Variants in TRAK1 observed in about 807,000 individuals in gnomAD.
The protein encoded by TRAK1 is trafficking kinesin protein 1.
A neutral mutation model predicts 92.1 loss-of-function variants in TRAK1; 33 were observed. The ratio of observed to expected loss-of-function variants is 0.36; its 90% CI spans 0.27 to 0.48. The LOEUF is 0.48. Ranked by LOEUF, TRAK1 falls within the 20% of genes least tolerant of loss-of-function variation. TRAK1 has a pLI of 0.99. For missense variants in TRAK1, 1,123 were observed against 1,257.9 expected, an observed-to-expected ratio of 0.89 and a Z score of 1.62; for synonymous variants, 521 against 517.3, an observed-to-expected ratio of 1.01 and a Z score of -0.10.
upstream of TRAK1, among the ~76,000 whole-genome samples, chr3:42,090,328 G>T (rs1479283252): frequency 6.6e-6 from 1 of 152,232 alleles, no homozygotes. Flanking sequence ...CATCCAGCCT[G>T]TTAAAGTGCT....
chr3:42,066,873 G>T (rs762311273), intron 1 of TRAK1, among the ~76,000 whole-genome samples: 2 of 152,084 alleles, frequency 1.3e-5, no homozygotes, highest in African/African-American at 2.4e-5. Context: ...TTCAGGGGCT[G>T]GGGGGAGGGA....
intron 1 of TRAK1, among the ~76,000 whole-genome samples, chr3:42,110,094 G>GTGTATATATA (rs1417746436): frequency 8.4e-5 from 7 of 83,234 alleles, no homozygotes; most frequent in Non-Finnish European, 1.4e-4. Context: ...AGAACTTAAA[G>GTGTATATATA]TATATATATA....
At chr3:42,029,058 A>T (rs1470077343) in intron 1 of TRAK1, among the ~76,000 whole-genome samples, 1 of 152,010 alleles carries the variant, frequency 6.6e-6, no homozygotes, top group Non-Finnish European at 1.5e-5. Context: ...GCAAAGGGGG[A>T]GCCAGCACTT....
At chr3:42,122,119 A>G (rs183156385) in intron 1 of TRAK1, among the ~76,000 whole-genome samples, 9 of 152,298 alleles carry the variant, frequency 5.9e-5, no homozygotes, top group African/African-American at 2.2e-4. Context: ...CGCCTGGGCC[A>G]GAGTTTTTTA....
At chr3:42,125,719 C>T in intron 2 of TRAK1, 105 bp downstream of exon 2, 2 of 1,296,586 alleles carry the variant, frequency 1.5e-6, no homozygotes, top group Non-Finnish European at 2.1e-6. Flanking sequence ...ATGTGGCTTG[C>T]CACCTCTGGA....
chr3:42,119,838 A>G (rs999401220), intron 1 of TRAK1, among the ~76,000 whole-genome samples: 1 of 152,176 alleles, frequency 6.6e-6, no homozygotes, highest in African/African-American at 2.4e-5. Flanking sequence ...AGAAGTGGCA[A>G]TTGCATACTG....
chr3:42,119,118 A>G (rs1709532609), intron 1 of TRAK1, among the ~76,000 whole-genome samples: 1 of 152,194 alleles, frequency 6.6e-6, no homozygotes, highest in Non-Finnish European at 1.5e-5. Flanking sequence ...GGCTGAAGGT[A>G]AGGTGGATAA....
chr3:42,050,634 TTG>T (rs1378794273), intron 1 of TRAK1, among the ~76,000 whole-genome samples: 5 of 152,206 alleles, frequency 3.3e-5, no homozygotes, highest in African/African-American at 1.2e-4. Context: ...TTCTTTGTCC[TTG>T]TGGGTTTATT....
Position 42,208,412 on chromosome 3 carries a change from G to A in TRAK1, c.1745-1355G>A, listed in dbSNP as rs147635166. On this transcript the variant is annotated intron_variant, in intron 13 of 15. Transcript: ENST00000327628. Reference sequence around the variant, plus strand: ...ACATGAGAAGTTATTTCCAAGGGGTGTTTGGAAATGGCAGACTCTGCGCAC... The same window carrying A: ...ACATGAGAAGTTATTTCCAAGGGGTATTTGGAAATGGCAGACTCTGCGCAC... Among the ~76,000 whole-genome samples, 541 of 152,246 alleles carry A rather than the reference G, an allele frequency of 3.6e-3. 7 individuals carry two copies. Among genetic ancestry groups the A allele is most frequent in the Non-Finnish European group, 5.1e-3 (348 of 68,014 alleles).
intron 2 of TRAK1, among the ~76,000 whole-genome samples, chr3:42,132,059 ACT>A (rs1279960871): frequency 6.6e-6 from 1 of 151,956 alleles, no homozygotes; most frequent in East Asian, 1.9e-4. Flanking sequence ...ACAGAGCGAG[ACT>A]CTGCCTCAAA....
At chr3:42,219,620 G>C in intron 15 of TRAK1, 24 bp downstream of exon 15, 1 of 1,598,850 alleles carries the variant, frequency 6.3e-7, no homozygotes, top group South Asian at 1.1e-5. Context: ...GCTTTGGGGT[G>C]GGCAGGGGTG....
chr3:42,111,713 C>T (rs1259296260), intron 1 of TRAK1, among the ~76,000 whole-genome samples: 1 of 152,062 alleles, frequency 6.6e-6, no homozygotes, highest in Admixed American at 6.6e-5. Context: ...GGTAATCTTA[C>T]TAAATTCAAA....
chr3:42,220,556 A>G (rs1710246849), intron 15 of TRAK1: 1 of 985,436 alleles, frequency 1.0e-6, no homozygotes. Context: ...GAGGAGATAT[A>G]GGGCAGAGAG....
intron 2 of TRAK1, among the ~76,000 whole-genome samples, chr3:42,150,417 G>A (rs1576635835): frequency 6.6e-6 from 1 of 152,074 alleles, no homozygotes; most frequent in Admixed American, 6.5e-5. Flanking sequence ...CAGTTAATCT[G>A]TCTTTAATTT....
In TRAK1 at chr3:42,223,812, C is replaced by T; in HGVS notation, c.*75C>T. ...TTGCTCCCACCTCCCTCTCTTCCCC[C>T]CACAGTGCACTCCCTCCCTCTGCCC... is the stretch of plus-strand genomic sequence containing the variant. On this transcript the variant is annotated 3_prime_UTR_variant, in exon 16 of 16. Coordinates refer to ENST00000327628, the MANE Select transcript of TRAK1 (RefSeq NM_001042646.3). The surrounding 1 kb of genome is among the most constrained non-coding windows in gnomAD (Gnocchi z 6.1). 2 of 1,479,912 alleles carry T rather than the reference C, an allele frequency of 1.4e-6. No individual in the cohort carries two copies. Among genetic ancestry groups the T allele is most frequent in the South Asian group, 1.3e-5 (1 of 78,158 alleles). The allele number at this position is 1,479,912 out of a possible 1,614,324, so 91.7% of individuals were successfully genotyped here.
chr3:42,107,190 T>A (rs1707679995), intron 1 of TRAK1, among the ~76,000 whole-genome samples: 1 of 152,110 alleles, frequency 6.6e-6, no homozygotes, highest in African/African-American at 2.4e-5. Flanking sequence ...TGGGTAGAAA[T>A]GTTTTTGGAC....
At chr3:42,187,625 T>C (rs1318910875) in intron 4 of TRAK1, among the ~76,000 whole-genome samples, 2 of 151,918 alleles carry the variant, frequency 1.3e-5, no homozygotes, top group African/African-American at 4.8e-5. Context: ...ATGCCACCAC[T>C]CTTCGCTAAT....
At chr3:42,086,780 T>G (rs972866950), upstream of TRAK1, among the ~76,000 whole-genome samples, 5 of 152,194 alleles carry the variant, frequency 3.3e-5, no homozygotes, top group Non-Finnish European at 5.9e-5. Context: ...TTACCTCTCT[T>G]TGTGTGTATA....
At chr3:42,191,200 G>C (rs1705676175) in intron 6 of TRAK1, among the ~76,000 whole-genome samples, 1 of 152,122 alleles carries the variant, frequency 6.6e-6, no homozygotes, top group African/African-American at 2.4e-5. Context: ...CACTGTGCGG[G>C]TCACAGAGCA....
Sources: gnomAD v4.1 joint callset for allele counts (sites outside exome capture counted in the v4.1 genomes callset) on GRCh38, gnomAD v4.1.1 for gene constraint, Gnocchi (gnomAD v3.1) non-coding constraint, MANE v1.5 for transcripts, NCBI Gene and HGNC (gene_info 2026-07-23, HGNC 2026-07-21) for gene names.